The following TPD52L1 variants were observed in gnomAD, a reference collection of about 807,000 sequenced individuals.
TPD52L1 encodes the protein tumor protein D53.
A neutral mutation model predicts 28.7 loss-of-function variants in TPD52L1; 18 were observed. The ratio of observed to expected loss-of-function variants is 0.63; its 90% CI spans 0.43 to 0.93. The LOEUF (loss-of-function observed/expected upper bound fraction) is 0.93, where lower values mean the gene tolerates loss of function less well. Among genes scored for constraint, TPD52L1 ranks in the 40% least tolerant of loss-of-function variants. The pLI is 0.00. For missense variants in TPD52L1, 203 were observed against 254.8 expected (o/e 0.80, Z 1.39); for synonymous variants, 75 against 88.8 (o/e 0.84, Z 0.88).
chr6:125,154,188 T>A, intron 1 of TPD52L1: 1 of 1,362,664 alleles, frequency 7.3e-7, no homozygotes, highest in South Asian at 1.8e-5. Context: ...GATCCGTAAG[T>A]GGAGAGGCCC....
At chr6:125,260,838 A>AAGAGAGAGAAAGAAAGTGAGAG (rs61521390) in intron 6 of TPD52L1, among the ~76,000 whole-genome samples, 1 of 143,568 alleles carries the variant, frequency 7.0e-6, no homozygotes, top group Non-Finnish European at 1.5e-5. Context: ...GGAAGAAAGG[A>AAGAGAGAGAAAGAAAGTGAGAG]AGAGAAAGAA....
At chr6:125,240,766 A>G (rs1404865626) in intron 3 of TPD52L1, among the ~76,000 whole-genome samples, 1 of 152,070 alleles carries the variant, frequency 6.6e-6, no homozygotes, top group Non-Finnish European at 1.5e-5. Flanking sequence ...TCATATCATC[A>G]GTGAACAGCA....
intron 1 of TPD52L1, among the ~76,000 whole-genome samples, chr6:125,216,525 G>GTATATATATATATA (rs1554210698): frequency 9.5e-6 from 1 of 104,872 alleles, no homozygotes; most frequent in South Asian, 2.8e-4. Context: ...TTCAGTATGT[G>GTATATATATATATA]TGTGTATATA....
rs1200838698 is a variant in TPD52L1 at position 125,241,747 on chromosome 6, TTTTG to T, written c.285-6531_285-6528del. 9.2e-5 allele frequency among the ~76,000 whole-genome samples: 14 copies of T among 152,208 alleles called. 2 individuals are homozygous for T. The highest frequency in any genetic ancestry group is 2.6e-4 in the African/African-American group (11 of 41,584). ...GTTAATCTTGCTAATGGTCTATCAA[TTTTG>T]TTTATCTTTTTGAAGAATCAGCTTT... On this transcript the variant is annotated intron_variant, in intron 3 of 6. Coordinates refer to ENST00000534000, the MANE Select transcript of TPD52L1 (RefSeq NM_003287.4).
intron 1 of TPD52L1, among the ~76,000 whole-genome samples, chr6:125,171,627 C>T (rs1391892861): frequency 1.3e-5 from 2 of 152,120 alleles, no homozygotes; most frequent in Non-Finnish European, 2.9e-5. Context: ...GCAACAAAAA[C>T]CTGGTTCTTT....
chr6:125,167,544 T>C (rs947056397), intron 1 of TPD52L1, among the ~76,000 whole-genome samples: 4 of 152,208 alleles, frequency 2.6e-5, no homozygotes, highest in Non-Finnish European at 5.9e-5. Flanking sequence ...CGTGACAATT[T>C]AGAGAATATG....
At chr6:125,197,672 CA>C (rs1399273822) in intron 1 of TPD52L1, among the ~76,000 whole-genome samples, 1 of 152,064 alleles carries the variant, frequency 6.6e-6, no homozygotes, top group Non-Finnish European at 1.5e-5. Flanking sequence ...AAGTACTAAT[CA>C]GTTATACAAA....
rs1245599607 is a variant in TPD52L1 at position 125,260,975 on chromosome 6, AG to A, written c.487-1858del. On this transcript the variant is annotated intron_variant, in intron 6 of 6. Coordinates refer to ENST00000534000, the MANE Select transcript of TPD52L1 (RefSeq NM_003287.4). ...AAGAAAGAAAGAAAGAAAGAAAGAA[AG>A]AAAAGAAAAGAAAGAAAGAAAGAAA... 9.9e-4 allele frequency: 44 copies of A among 44,464 alleles called. 4 individuals carry two copies. The East Asian group carries it at 0.021, about 21-fold the overall frequency. The allele number at this position is 44,464 out of a possible 1,614,324, so 2.8% of individuals were successfully genotyped here.
intron 1 of TPD52L1, among the ~76,000 whole-genome samples, chr6:125,179,879 G>T (rs1008417397): frequency 1.3e-5 from 2 of 152,132 alleles, no homozygotes; most frequent in Non-Finnish European, 2.9e-5. Context: ...CATTATTTGG[G>T]CATTCTAAGG....
intron 1 of TPD52L1, among the ~76,000 whole-genome samples, chr6:125,193,663 A>G (rs1253327836): frequency 6.6e-6 from 1 of 152,182 alleles, no homozygotes; most frequent in Non-Finnish European, 1.5e-5. Flanking sequence ...TACCTATGCA[A>G]CACACATACA....
intron 1 of TPD52L1, among the ~76,000 whole-genome samples, chr6:125,172,538 AT>A (rs1462566714): frequency 0.012 from 1,049 of 85,348 alleles, 32 homozygotes; most frequent in Non-Finnish European, 0.017. Context: ...ATATATATAT[AT>A]ATATATATAT....
chr6:125,225,701 T>C (rs1795565829), intron 2 of TPD52L1, among the ~76,000 whole-genome samples: 1 of 152,220 alleles, frequency 6.6e-6, no homozygotes, highest in Admixed American at 6.5e-5. Flanking sequence ...TTCATTAACA[T>C]GATTTACTTG....
chr6:125,210,306 TC>T (rs1479765677), intron 1 of TPD52L1, among the ~76,000 whole-genome samples: 1 of 152,220 alleles, frequency 6.6e-6, no homozygotes, highest in Non-Finnish European at 1.5e-5. Flanking sequence ...TACACTACTG[TC>T]CTACCAATAA....
At chr6:125,252,613 T>C (rs1797344120) in intron 4 of TPD52L1, 1 of 152,240 alleles carries the variant, frequency 6.6e-6, no homozygotes, top group Non-Finnish European at 1.5e-5. Context: ...GCCGGAATCT[T>C]ATTATATACT....
chr6:125,182,382 G>A (rs1214634958), intron 1 of TPD52L1, among the ~76,000 whole-genome samples: 4 of 152,128 alleles, frequency 2.6e-5, no homozygotes, highest in Non-Finnish European at 5.9e-5. Context: ...CTGGAGTCGT[G>A]AGCAAAGTGT....
At position 125,221,406 on chromosome 6, in the gene TPD52L1, G is replaced by A. The variant is rs115112438; in HGVS notation, c.135+1213G>A. On this transcript the variant is annotated intron_variant, in intron 2 of 6. Transcript: ENST00000534000. ...ATGACTAGTTCATGTCAACTGCAGG[G>A]TCCAAATGTCATGTTCTGCAGAGTG... is the stretch of plus-strand genomic sequence containing the variant. Among the ~76,000 whole-genome samples the A allele has an allele frequency of 4.9e-3, 744 of 152,262 alleles. 5 individuals are homozygous for A. The highest frequency in any genetic ancestry group is 0.017 in the African/African-American group (698 of 41,542).
rs879648141 is a variant in TPD52L1 at position 125,182,352 on chromosome 6, C to T, written c.19+28382C>T. Among the ~76,000 whole-genome samples the T allele has an allele frequency of 3.9e-4, 59 of 152,202 alleles. 1 individual carries two copies. Among genetic ancestry groups the T allele is most frequent in the Admixed American group, 3.3e-3 (50 of 15,280 alleles). On this transcript the variant is annotated intron_variant, in intron 1 of 6. Coordinates refer to ENST00000534000, the MANE Select transcript of TPD52L1 (RefSeq NM_003287.4). ...TTTTCATGATGTATAAGCACAGCTG[C>T]CTTTTTTAGGAATCGTGAGCTGGAG...
chr6:125,183,304 C>G (rs1036233252), intron 1 of TPD52L1, among the ~76,000 whole-genome samples: 3 of 152,034 alleles, frequency 2.0e-5, no homozygotes, highest in Admixed American at 6.6e-5. Context: ...ATGGCAAAAC[C>G]CTGTCTCTAT....
At chr6:125,200,639 T>C (rs952113294) in intron 1 of TPD52L1, among the ~76,000 whole-genome samples, 3 of 152,242 alleles carry the variant, frequency 2.0e-5, no homozygotes, top group African/African-American at 7.2e-5. Context: ...TCAATGCTCA[T>C]ACAAATGCAT....
Sources: allele counts gnomAD v4.1 joint callset (sites outside exome capture counted in the v4.1 genomes callset), GRCh38; gene constraint gnomAD v4.1.1; transcripts MANE v1.5; gene names NCBI Gene and HGNC (gene_info 2026-07-23, HGNC 2026-07-21).